The following ZHX2 variants were observed in gnomAD, a reference collection of about 807,000 sequenced individuals.
ZHX2 encodes the protein zinc fingers and homeoboxes 2.
In ZHX2, 6 loss-of-function variants were observed where a neutral mutation model predicts 21.9. That is an observed-to-expected ratio of 0.27 (90% CI 0.15 to 0.54). The LOEUF is 0.54. Ranked by LOEUF, ZHX2 falls within the 20% of genes least tolerant of loss-of-function variation. The pLI is 0.95. For missense variants in ZHX2, 908 were observed against 1,090.7 expected, an observed-to-expected ratio of 0.83 and a Z score of 2.36; for synonymous variants, 434 against 437.1, an observed-to-expected ratio of 0.99 and a Z score of 0.09.
chr8:122,913,952 A>C (rs533157926), intron 2 of ZHX2, among the ~76,000 whole-genome samples: 1 of 152,256 alleles, frequency 6.6e-6, no homozygotes, highest in East Asian at 1.9e-4. Context: ...CTCCTGGGGC[A>C]AGCCTTTTCT....
Position 122,798,458 on chromosome 8 carries a change from G to T in ZHX2, c.-283+16512G>T, listed in dbSNP as rs181155294. Among the ~76,000 whole-genome samples, 38 of 152,200 alleles carry T rather than the reference G, an allele frequency of 2.5e-4. No homozygotes were observed. In the East Asian group the frequency reaches 7.2e-3, roughly 29 times the overall value. Reference sequence around the variant, plus strand: ...GGAATGGTGGTGCGTTGGAATTTTGGCTCTGAATACATTGCATGGGGCAGA... The same window carrying T: ...GGAATGGTGGTGCGTTGGAATTTTGTCTCTGAATACATTGCATGGGGCAGA... On this transcript the variant is annotated intron_variant, in intron 1 of 3. Transcript: ENST00000314393.
intron 2 of ZHX2, among the ~76,000 whole-genome samples, chr8:122,869,324 TG>T (rs1466376936): frequency 2.6e-4 from 35 of 132,320 alleles, no homozygotes; most frequent in African/African-American, 1.0e-3. Context: ...CATCCTTTTT[TG>T]TTTTTTTTTT....
intron 2 of ZHX2, among the ~76,000 whole-genome samples, chr8:122,906,536 G>A (rs1820350263): frequency 6.6e-6 from 1 of 152,144 alleles, no homozygotes; most frequent in Admixed American, 6.5e-5. Context: ...AACTGCATAT[G>A]TAGGTGTGTT....
In ZHX2 at chr8:122,944,653, CT is replaced by C. The variant is rs796702050; in HGVS notation, c.-219-6638del. 1.2e-4 allele frequency among the ~76,000 whole-genome samples: 18 copies of C among 152,306 alleles called. 1 individual carries two copies. The highest frequency in any genetic ancestry group is 4.3e-4 in the African/African-American group (18 of 41,556). The stretch of plus-strand genomic sequence containing the variant: ...AGCCGCAATTTCTGTCCATCCACCG[CT>C]GTATCTTCGGCAACTAGAACAGCAT... On this transcript the variant is annotated intron_variant, in intron 2 of 3. Transcript: ENST00000314393.
chr8:122,912,084 C>T (rs1820494558), intron 2 of ZHX2, among the ~76,000 whole-genome samples: 1 of 152,202 alleles, frequency 6.6e-6, no homozygotes, highest in South Asian at 2.1e-4. Flanking sequence ...ACTTTCCCCA[C>T]ATTTTTGCAA....
chr8:122,940,134 T>C (rs1812805481), intron 2 of ZHX2, among the ~76,000 whole-genome samples: 1 of 152,186 alleles, frequency 6.6e-6, no homozygotes, highest in Non-Finnish European at 1.5e-5. Flanking sequence ...GCACTAAGGC[T>C]GTGGCCAGAG....
intron 2 of ZHX2, among the ~76,000 whole-genome samples, chr8:122,946,662 T>G (rs1355583084): frequency 6.6e-6 from 1 of 152,134 alleles, no homozygotes; most frequent in African/African-American, 2.4e-5. Context: ...CTGATGTCTT[T>G]TTTCTGCAGG....
At position 122,953,678 on chromosome 8, in the gene ZHX2, G is replaced by A; in HGVS notation, c.2168G>A (p.Gly723Glu). The change falls in exon 3 of 4, where the codon GGG becomes GAG. Residue 723 changes from glycine (G) to glutamate (E), a missense_variant. Physicochemically the swap from Gly to Glu is moderately conservative, Grantham distance 98. Coordinates refer to ENST00000314393, the MANE Select transcript of ZHX2 (RefSeq NM_014943.5). The surrounding 1 kb of genome is among the most constrained non-coding windows in gnomAD (Gnocchi z 4.6). ...CCCATGGCCGAGAGCCCAAAGAACG[G>A]GGGTGATGTGGTTCCACAATATTAC... is the stretch of plus-strand genomic sequence containing the variant. ...TKPMAESPKN[G>E]GDVVPQYYKD... The A allele has an allele frequency of 1.2e-6, 2 of 1,614,240 alleles. No individual in the cohort carries two copies. The highest frequency in any genetic ancestry group is 1.7e-5 in the Admixed American group (1 of 60,032).
At chr8:122,927,494 TA>T (rs34009444) in intron 2 of ZHX2, among the ~76,000 whole-genome samples, 2,402 of 149,656 alleles carry the variant, frequency 0.016, 71 homozygotes, top group Admixed American at 0.07. Context: ...GATTCCATCT[TA>T]AAAAAAAAAT....
At chr8:122,959,925 C>T (rs1303873692) in intron 3 of ZHX2, among the ~76,000 whole-genome samples, 1 of 152,166 alleles carries the variant, frequency 6.6e-6, no homozygotes, top group Non-Finnish European at 1.5e-5. Context: ...ATCCAGCCCC[C>T]TCATTTTCAG....
intron 1 of ZHX2, among the ~76,000 whole-genome samples, chr8:122,846,116 A>G (rs773859803): frequency 2.6e-5 from 4 of 152,170 alleles, no homozygotes; most frequent in Non-Finnish European, 4.4e-5. Context: ...AGACAGCCTT[A>G]CTGAGGATTG....
chr8:122,853,532 C>G (rs1818952716), intron 1 of ZHX2, among the ~76,000 whole-genome samples: 1 of 152,154 alleles, frequency 6.6e-6, no homozygotes, highest in Non-Finnish European at 1.5e-5. Context: ...TGCATGCACC[C>G]CTGCAGCCAC....
At chr8:122,810,252 C>T (rs1000544593) in intron 1 of ZHX2, among the ~76,000 whole-genome samples, 4 of 152,192 alleles carry the variant, frequency 2.6e-5, no homozygotes, top group African/African-American at 7.2e-5. Flanking sequence ...TCTCTATAAA[C>T]GTCAGTTTCC....
rs139833897 is a variant in ZHX2, at chr8:122,867,840, G to A, written c.-220+4301G>A. On this transcript the variant is annotated intron_variant, in intron 2 of 3. Coordinates refer to ENST00000314393, the MANE Select transcript of ZHX2 (RefSeq NM_014943.5). The stretch of plus-strand genomic sequence containing the variant: ...CATCTATCTTCACACTGAAAGCATA[G>A]CTTTTTTCTTGCAATATGTTCAAGA... Among the ~76,000 whole-genome samples, 969 of 152,252 alleles carry A rather than the reference G, an allele frequency of 6.4e-3. 5 individuals carry two copies. The highest frequency in any genetic ancestry group is 0.012 in the Non-Finnish European group (797 of 68,016).
chr8:122,958,066 T>C (rs1183801983), intron 3 of ZHX2, among the ~76,000 whole-genome samples: 1 of 152,178 alleles, frequency 6.6e-6, no homozygotes, highest in East Asian at 1.9e-4. Flanking sequence ...TTATAAAAAG[T>C]GTTATGTGAT....
chr8:122,891,513 T>C (rs1319240989), intron 2 of ZHX2, among the ~76,000 whole-genome samples: 1 of 152,172 alleles, frequency 6.6e-6, no homozygotes, highest in Non-Finnish European at 1.5e-5. Context: ...AGGTGTATCA[T>C]TAGATTGTTT....
intron 2 of ZHX2, among the ~76,000 whole-genome samples, chr8:122,932,364 G>A (rs1821014839): frequency 6.6e-6 from 1 of 152,206 alleles, no homozygotes; most frequent in African/African-American, 2.4e-5. Context: ...CTGAGCTAAA[G>A]TCAAGGTATT....
At chr8:122,834,746 T>C (rs1274416275) in intron 1 of ZHX2, among the ~76,000 whole-genome samples, 1 of 152,066 alleles carries the variant, frequency 6.6e-6, no homozygotes, top group Admixed American at 6.6e-5. Context: ...TGGGTCTAGG[T>C]TGGTATATTT....
chr8:122,937,511 C>T (rs1812726988), intron 2 of ZHX2, among the ~76,000 whole-genome samples: 1 of 152,132 alleles, frequency 6.6e-6, no homozygotes, highest in Non-Finnish European at 1.5e-5. Context: ...TCCAGCTCAG[C>T]TGCTGCCAAG....
Sources: allele counts gnomAD v4.1 joint callset (sites outside exome capture counted in the v4.1 genomes callset), GRCh38; gene constraint gnomAD v4.1.1; non-coding constraint Gnocchi (gnomAD v3.1); transcripts MANE v1.5; gene names NCBI Gene and HGNC (gene_info 2026-07-23, HGNC 2026-07-21).